NCAM2: variants seen among roughly 807,000 people sequenced by gnomAD.
NCAM2 encodes N-CAM-2.
In NCAM2, 30 loss-of-function variants were observed where a neutral mutation model predicts 98.1. The observed-to-expected ratio is 0.31, with a 90% confidence interval of 0.23 to 0.41. NCAM2 has a LOEUF of 0.41. NCAM2 is among the 10% of genes least tolerant of loss of function. The pLI is 1.00. For missense variants in NCAM2, 867 were observed against 1,005.8 expected (o/e 0.86, Z 1.87); for synonymous variants, 368 against 342.4 (o/e 1.07, Z -0.83).
intron 1 of NCAM2, among the ~76,000 whole-genome samples, chr21:21,102,755 T>A (rs1439771156): frequency 6.6e-6 from 1 of 151,998 alleles, no homozygotes; most frequent in East Asian, 1.9e-4. Flanking sequence ...AGCCACTCTG[T>A]GAATCAACCT....
intron 6 of NCAM2, among the ~76,000 whole-genome samples, chr21:21,330,564 T>C (rs1893647481): frequency 6.6e-6 from 1 of 152,150 alleles, no homozygotes; most frequent in African/African-American, 2.4e-5. Flanking sequence ...CCACTATTAT[T>C]GTATGGAGAA....
chr21:21,120,146 A>T (rs1291432163), intron 1 of NCAM2, among the ~76,000 whole-genome samples: 5 of 152,200 alleles, frequency 3.3e-5, no homozygotes. Flanking sequence ...AGAATGAAAG[A>T]CTTTGCAAGT....
intron 1 of NCAM2, among the ~76,000 whole-genome samples, chr21:21,229,449 T>C (rs1422766700): frequency 1.3e-5 from 2 of 151,526 alleles, no homozygotes; most frequent in African/African-American, 4.8e-5. Flanking sequence ...TAATAAATAC[T>C]TTCTATTGCT....
intron 1 of NCAM2, among the ~76,000 whole-genome samples, chr21:21,022,435 T>G (rs2064456848): frequency 6.6e-6 from 1 of 152,088 alleles, no homozygotes; most frequent in African/African-American, 2.4e-5. Context: ...ACTAAATTAT[T>G]TTAATTTTTG....
In NCAM2 at chr21:21,152,840, A is replaced by C. The variant is rs1215540136; in HGVS notation, c.56-127738A>C. Among the ~76,000 whole-genome samples, 3 of 151,916 alleles carry C rather than the reference A, an allele frequency of 2.0e-5. No individual in the cohort carries two copies. In the East Asian group the frequency reaches 5.8e-4, roughly 29 times the overall value. ...CAGACTCAATGGGACACTTATGCTG[A>C]TGTCTGGAGCTCCTTCTATGTAGCC... On this transcript the variant is annotated intron_variant, in intron 1 of 17. Coordinates refer to ENST00000400546, the MANE Select transcript of NCAM2 (RefSeq NM_004540.5).
intron 1 of NCAM2, among the ~76,000 whole-genome samples, chr21:21,262,114 G>C (rs770204253): frequency 2.0e-5 from 3 of 152,106 alleles, no homozygotes; most frequent in African/African-American, 4.8e-5. Flanking sequence ...TAGAGGAAAT[G>C]TATAAATTCC....
intron 1 of NCAM2, among the ~76,000 whole-genome samples, chr21:21,187,794 A>G (rs1447953686): frequency 6.6e-6 from 1 of 152,200 alleles, no homozygotes; most frequent in East Asian, 1.9e-4. Flanking sequence ...GAGTGAGCAC[A>G]TTAGTGAGAT....
intron 16 of NCAM2, among the ~76,000 whole-genome samples, chr21:21,511,398 C>T (rs562359399): frequency 4.0e-5 from 6 of 151,894 alleles, no homozygotes; most frequent in Non-Finnish European, 8.8e-5. Context: ...TTTCTTTCTG[C>T]ACTGACTTAT....
chr21:21,393,327 C>G (rs1421036086), intron 9 of NCAM2, among the ~76,000 whole-genome samples: 1 of 152,010 alleles, frequency 6.6e-6, no homozygotes, highest in Non-Finnish European at 1.5e-5. Flanking sequence ...GTATCAGTAC[C>G]ATGCTGTTTT....
intron 8 of NCAM2, among the ~76,000 whole-genome samples, chr21:21,356,987 C>CAATAAATA (rs56359248): frequency 0.13 from 18,510 of 144,800 alleles, 1,370 homozygotes; most frequent in East Asian, 0.2. Flanking sequence ...GAAACTCCAT[C>CAATAAATA]AATAAATAAA....
chr21:21,518,010 T>C (rs1988807122), intron 16 of NCAM2, among the ~76,000 whole-genome samples: 1 of 152,172 alleles, frequency 6.6e-6, no homozygotes, highest in South Asian at 2.1e-4. Flanking sequence ...TGAACATTTG[T>C]TTCTTTCTTC....
intron 6 of NCAM2, among the ~76,000 whole-genome samples, chr21:21,334,105 G>A (rs1454516238): frequency 1.3e-5 from 2 of 151,916 alleles, no homozygotes; most frequent in African/African-American, 2.4e-5. Flanking sequence ...GCTAGTCTTT[G>A]TATTTTTAGT....
intron 1 of NCAM2, among the ~76,000 whole-genome samples, chr21:21,227,131 A>T (rs989209039): frequency 2.6e-5 from 4 of 151,936 alleles, no homozygotes; most frequent in African/African-American, 7.2e-5. Flanking sequence ...TGAACATAGA[A>T]TTAAAGATAC....
intron 1 of NCAM2, among the ~76,000 whole-genome samples, chr21:21,042,437 G>A (rs2064925469): frequency 6.6e-6 from 1 of 152,124 alleles, no homozygotes; most frequent in Admixed American, 6.6e-5. Context: ...ACCCGCCTCG[G>A]CCTCCCAAAG....
intron 4 of NCAM2, 95 bp downstream of exon 4, chr21:21,286,507 T>A: frequency 7.6e-7 from 1 of 1,322,860 alleles, no homozygotes; most frequent in Non-Finnish European, 1.0e-6. Flanking sequence ...AAATTTGAAT[T>A]TTTGACCCCA....
chr21:21,145,411 GCAATTTATGTGTCACCA>G (rs1480146009), intron 1 of NCAM2, among the ~76,000 whole-genome samples: 2 of 152,252 alleles, frequency 1.3e-5, no homozygotes, highest in East Asian at 3.9e-4. Context: ...ACAACTTACT[GCAATTTATGTGTCACCA>G]CAATGATGAT....
intron 9 of NCAM2, among the ~76,000 whole-genome samples, chr21:21,382,628 G>A (rs2076181205): frequency 6.6e-6 from 1 of 151,066 alleles, no homozygotes; most frequent in African/African-American, 2.4e-5. Flanking sequence ...CGATTCTCCT[G>A]CCCCAACCTT....
chr21:21,370,877 A>G (rs996625619), intron 8 of NCAM2, among the ~76,000 whole-genome samples: 2 of 151,938 alleles, frequency 1.3e-5, no homozygotes, highest in Non-Finnish European at 2.9e-5. Flanking sequence ...AATTTATCAT[A>G]TGTATGTATT....
At chr21:21,065,783 T>G (rs899832538) in intron 1 of NCAM2, among the ~76,000 whole-genome samples, 12 of 152,172 alleles carry the variant, frequency 7.9e-5, no homozygotes, top group Non-Finnish European at 1.8e-4. Flanking sequence ...ATATTTATCC[T>G]TAGCCATTTA....
Sources: gnomAD v4.1 joint callset for allele counts (sites outside exome capture counted in the v4.1 genomes callset) on GRCh38, gnomAD v4.1.1 for gene constraint, MANE v1.5 for transcripts, NCBI Gene and HGNC (gene_info 2026-07-23, HGNC 2026-07-21) for gene names.